Variants in LINS1 observed in about 807,000 individuals in gnomAD.
LINS1 encodes lines homolog 1, also known as protein Lines homolog 1.
LINS1 carries 27 observed loss-of-function variants against 41.6 expected under a neutral mutation model. That is an observed-to-expected ratio of 0.65 (90% CI 0.48 to 0.89). The LOEUF is 0.89. Ranked by LOEUF, LINS1 falls within the 40% of genes least tolerant of loss-of-function variation. The probability of loss-of-function intolerance (pLI) is 0.00; values close to 1 mark genes in which losing one functional copy is unlikely to be tolerated. For missense variants in LINS1, 955 were observed against 884.1 expected (o/e 1.08, Z -1.02); for synonymous variants, 336 against 312.9 (o/e 1.07, Z -0.78).
At chr15:100,572,537 C>T (rs1264750586) in intron 5 of LINS1, 20 of 987,274 alleles carry the variant, frequency 2.0e-5, no homozygotes, top group Non-Finnish European at 2.3e-5. Context: ...AAATAAAAAA[C>T]GTTTTAGGTA....
intron 5 of LINS1, 83 bp downstream of exon 5, chr15:100,573,568 T>A: frequency 1.1e-6 from 1 of 924,506 alleles, no homozygotes; most frequent in Non-Finnish European, 1.7e-6. Flanking sequence ...GAATTTAAAC[T>A]AGTCCTGAGA....
At chr15:100,576,854 C>T (rs190858981) in intron 3 of LINS1, among the ~76,000 whole-genome samples, 55 of 152,230 alleles carry the variant, frequency 3.6e-4, no homozygotes, top group Admixed American at 1.8e-3. Context: ...ATCCCTGGGA[C>T]GCAAGGCTGG....
rs905297735 is a variant in LINS1 at position 100,573,500 on chromosome 15, T to A, written c.1222+151A>T. ...TCTTAAAGGTAAATCCAGTTCTTTT[T>A]TTTTTTTTTGAAAATGTAATAAGTT... On this transcript the variant is annotated intron_variant, in intron 5 of 6. Transcript: ENST00000314742. 4.1e-5 allele frequency: 32 copies of A among 788,956 alleles called. No individual in the cohort carries two copies. The African/African-American group carries it at 5.3e-4, about 13-fold the overall frequency. The allele number at this position is 788,956 out of a possible 1,614,324, so 48.9% of individuals were successfully genotyped here. A position where few individuals can be genotyped will look rare whatever the true frequency, so the allele number is the denominator to read the frequency against.
At position 100,569,936 on chromosome 15, in the gene LINS1, T is replaced by G; in HGVS notation, c.1576A>C (p.Arg526=). 3 of 1,594,202 alleles carry G rather than the reference T, an allele frequency of 1.9e-6. No homozygotes were observed. The highest frequency in any genetic ancestry group is 2.6e-6 in the Non-Finnish European group (3 of 1,167,926). ...TCCTTTTGCAGTAATTTTAAATATCTAACAAAATATTCAAGAAAACAGGTT... is the reference window on the plus strand; with the variant it reads ...TCCTTTTGCAGTAATTTTAAATATCGAACAAAATATTCAAGAAAACAGGTT... ...SETCFLEYFV[R]YLKLLQKDWD... is the part of the protein sequence containing the mutation. Residue 526 remains arginine (R), a synonymous_variant, in exon 7 of 7, where the codon AGA becomes CGA. Coordinates refer to ENST00000314742, the MANE Select transcript of LINS1 (RefSeq NM_001040616.3).
intron 6 of LINS1, among the ~76,000 whole-genome samples, chr15:100,571,405 AT>A (rs1313650739): frequency 6.6e-6 from 1 of 152,250 alleles, no homozygotes; most frequent in Non-Finnish European, 1.5e-5. Flanking sequence ...ATCAGTATAA[AT>A]CATCAGTAAC....
At chr15:100,572,126 CTA>C in intron 5 of LINS1, 61 bp from the exon 6 acceptor site, 1 of 1,597,964 alleles carries the variant, frequency 6.3e-7, no homozygotes, top group Non-Finnish European at 8.5e-7. Flanking sequence ...AATATCTTGC[CTA>C]TATATAAATT....
At chr15:100,584,184 ATTTTG>A (rs962340872) in intron 1 of LINS1, among the ~76,000 whole-genome samples, 3 of 152,198 alleles carry the variant, frequency 2.0e-5, no homozygotes, top group African/African-American at 7.2e-5. Context: ...AAAACAGAAT[ATTTTG>A]TTTTAATTAC....
intron 1 of LINS1, among the ~76,000 whole-genome samples, chr15:100,591,922 C>T (rs2039056047): frequency 1.3e-5 from 2 of 152,130 alleles, no homozygotes; most frequent in South Asian, 2.1e-4. Flanking sequence ...TCACATCTTT[C>T]TGGGGGGAAA....
At position 100,580,760 on chromosome 15, in the gene LINS1, T is replaced by G; in HGVS notation, c.83A>C (p.Tyr28Ser). The change falls in exon 2 of 7, where the codon TAC becomes TCC. Residue 28 changes from tyrosine (Y) to serine (S), a missense_variant. Physicochemically the swap from Tyr to Ser is moderately radical, Grantham distance 144. Transcript: ENST00000314742. ...GATLENDSHD[Y>S]IFYLNPAVSD... ...AACTGCTGGGTTGAGATAAAAGATG[T>G]AATCATGGCTGTCATTTTCAAGTGT... 1 of 1,609,272 alleles carries G rather than the reference T, an allele frequency of 6.2e-7. No homozygotes were observed. Among genetic ancestry groups the G allele is most frequent in the Non-Finnish European group, 8.5e-7 (1 of 1,176,372 alleles).
At chr15:100,572,140 A>G (rs2037865621) in intron 5 of LINS1, 75 bp from the exon 6 acceptor site, 1 of 1,575,344 alleles carries the variant, frequency 6.3e-7, no homozygotes, top group Admixed American at 1.8e-5. Context: ...ATATAAATTC[A>G]TAGTGTCTAA....
At chr15:100,578,932 A>C (rs1269977240) in intron 3 of LINS1, among the ~76,000 whole-genome samples, 1 of 152,110 alleles carries the variant, frequency 6.6e-6, no homozygotes, top group East Asian at 1.9e-4. Flanking sequence ...AGAACAAAAA[A>C]CCAAACACCG....
chr15:100,573,745 A>G lies in LINS1; in HGVS notation c.1128T>C (p.Ser376=), dbSNP rs12592868. 710,082 of 1,613,058 alleles carry G rather than the reference A, an allele frequency of 0.44. 161,056 individuals are homozygous for G. The highest frequency in any genetic ancestry group is 0.48 in the Non-Finnish European group (560,138 of 1,179,132). The change falls in exon 5 of 7, where the codon AGT becomes AGC. Residue 376 remains serine, a synonymous_variant. Coordinates refer to ENST00000314742, the MANE Select transcript of LINS1 (RefSeq NM_001040616.3). Reference sequence around the variant, plus strand: ...CTGCTCTAAGGATCACATGATCTGGACTAGTGATAAGTTCACATTCAGGTT... The same window carrying G: ...CTGCTCTAAGGATCACATGATCTGGGCTAGTGATAAGTTCACATTCAGGTT... ...EVQPECELIT[S]PDHVILRAAS...
At chr15:100,599,837 G>T (rs376090321) in intron 1 of LINS1, among the ~76,000 whole-genome samples, 2 of 152,140 alleles carry the variant, frequency 1.3e-5, no homozygotes, top group African/African-American at 2.4e-5. Flanking sequence ...AGGCCGAGGC[G>T]GGTGGATCAC....
chr15:100,572,438 A>C, intron 5 of LINS1: 2 of 1,059,910 alleles, frequency 1.9e-6, no homozygotes, highest in Non-Finnish European at 2.3e-6. Flanking sequence ...CCAAGAATGC[A>C]ACCAAGCAAA....
chr15:100,595,025 T>C (rs1291586341), intron 1 of LINS1, among the ~76,000 whole-genome samples: 1 of 152,228 alleles, frequency 6.6e-6, no homozygotes, highest in Non-Finnish European at 1.5e-5. Flanking sequence ...TGATTTTACT[T>C]TCTCTAAAAT....
At chr15:100,598,627 G>GTTAGC (rs992396431) in intron 1 of LINS1, among the ~76,000 whole-genome samples, 2 of 152,132 alleles carry the variant, frequency 1.3e-5, no homozygotes, top group African/African-American at 4.8e-5. Context: ...AAAGCCTCCA[G>GTTAGC]TTAGCTTCCT....
rs34231390 is a variant in LINS1 at position 100,574,277 on chromosome 15, AAC to A, written c.632-38_632-37del. Reference sequence around the variant, plus strand: ...AAAAATAGGAATTATAAACAGGAAAAACAGTCTTCTTCAAACAATTTTACAAT... The same window carrying A: ...AAAAATAGGAATTATAAACAGGAAAAAGTCTTCTTCAAACAATTTTACAAT... On this transcript the variant is annotated intron_variant, in intron 4 of 6. Transcript: ENST00000314742. 263,382 of 1,334,696 alleles carry A rather than the reference AAC, an allele frequency of 0.2. 28,207 individuals carry two copies. Among genetic ancestry groups the A allele is most frequent in the Non-Finnish European group, 0.22 (202,916 of 929,074 alleles). The allele number at this position is 1,334,696 out of a possible 1,614,324, so 82.7% of individuals were successfully genotyped here. A position where few individuals can be genotyped will look rare whatever the true frequency, so the allele number is the denominator to read the frequency against.
chr15:100,571,515 T>C (rs2037822893), intron 6 of LINS1, among the ~76,000 whole-genome samples: 1 of 152,242 alleles, frequency 6.6e-6, no homozygotes, highest in East Asian at 1.9e-4. Flanking sequence ...TTTCTAAGTT[T>C]GTATTCACCT....
At chr15:100,581,570 GC>G (rs1225014577) in intron 1 of LINS1, among the ~76,000 whole-genome samples, 1 of 152,214 alleles carries the variant, frequency 6.6e-6, no homozygotes. Flanking sequence ...ATCAGAAGCA[GC>G]AAGTAGTTAC....
Sources: gnomAD v4.1 joint callset for allele counts (sites outside exome capture counted in the v4.1 genomes callset) on GRCh38, gnomAD v4.1.1 for gene constraint, MANE v1.5 for transcripts, NCBI Gene and HGNC (gene_info 2026-07-23, HGNC 2026-07-21) for gene names.